Variants in FHIT observed in about 807,000 individuals in gnomAD.
FHIT encodes the protein fragile histidine triad diadenosine triphosphatase.
Under a neutral mutation model 17.9 loss-of-function variants are expected in FHIT, and 19 were observed. That is an observed-to-expected ratio of 1.06 (90% CI 0.74 to 1.56). The LOEUF (loss-of-function observed/expected upper bound fraction) is 1.56, where lower values mean the gene tolerates loss of function less well. Ranked by LOEUF, FHIT falls within the 40% of genes most tolerant of loss-of-function variation. The probability of loss-of-function intolerance (pLI) is 0.00; values close to 1 mark genes in which losing one functional copy is unlikely to be tolerated. For synonymous variants in FHIT, 81 were observed against 69.7 expected (o/e 1.16, Z -0.81); for missense variants, 248 against 189.2 (o/e 1.31, Z -1.82).
intron 5 of FHIT, among the ~76,000 whole-genome samples, chr3:60,325,055 A>C (rs1709625960): frequency 6.6e-6 from 1 of 152,144 alleles, no homozygotes; most frequent in East Asian, 1.9e-4. Flanking sequence ...CATTCTTAAT[A>C]TTTTCCAAAG....
intron 2 of FHIT, among the ~76,000 whole-genome samples, chr3:61,074,343 G>A (rs2034903554): frequency 1.3e-5 from 2 of 152,124 alleles, no homozygotes; most frequent in African/African-American, 2.4e-5. Context: ...AACTAAAAGA[G>A]TATGCAAGAA....
At chr3:60,110,386 G>A (rs998220414) in intron 5 of FHIT, among the ~76,000 whole-genome samples, 2 of 151,996 alleles carry the variant, frequency 1.3e-5, no homozygotes, top group Non-Finnish European at 1.5e-5. Flanking sequence ...CACATTCCTC[G>A]CAACATTTAT....
intron 5 of FHIT, among the ~76,000 whole-genome samples, chr3:60,210,190 TA>T (rs1389125655): frequency 2.0e-5 from 3 of 152,168 alleles, no homozygotes; most frequent in Admixed American, 2.0e-4. Context: ...ATGCTATCCT[TA>T]AATCACTGGG....
Position 60,931,889 on chromosome 3 carries a change from A to C in FHIT, c.-110-109878T>G, listed in dbSNP as rs186289337. Among the ~76,000 whole-genome samples the C allele has an allele frequency of 2.8e-4, 43 of 152,368 alleles. No homozygotes were observed. In the East Asian group the frequency reaches 8.3e-3, roughly 29 times the overall value. ...ACCATTTTTGAGCAGAGCCAACAGC[A>C]TGTGTCCTAATTATCCAACTATGTG... On this transcript the variant is annotated intron_variant, in intron 3 of 9. Transcript: ENST00000492590.
chr3:59,800,679 A>G lies in FHIT; in HGVS notation c.349-48358T>C, dbSNP rs538502354. Among the ~76,000 whole-genome samples the G allele has an allele frequency of 8.5e-5, 13 of 152,358 alleles. No homozygotes were observed. The East Asian group carries it at 2.5e-3, about 29-fold the overall frequency. ...CCTTTCTTGGGCCACTGGTGAAGAC[A>G]GATGTCACAATCAATACTCATTAAC... On this transcript the variant is annotated intron_variant, in intron 8 of 9. Transcript: ENST00000492590.
At chr3:60,736,389 C>T (rs918585508) in intron 4 of FHIT, among the ~76,000 whole-genome samples, 1 of 152,090 alleles carries the variant, frequency 6.6e-6, no homozygotes, top group Non-Finnish European at 1.5e-5. Context: ...GAAAAAAAAC[C>T]TTAAATTTCC....
At chr3:60,676,697 G>A (rs2107853033) in intron 4 of FHIT, among the ~76,000 whole-genome samples, 1 of 152,288 alleles carries the variant, frequency 6.6e-6, no homozygotes, top group Non-Finnish European at 1.5e-5. Context: ...GCCTCTCCTG[G>A]AAAATCTTGG....
intron 4 of FHIT, among the ~76,000 whole-genome samples, chr3:60,778,422 C>G (rs1317085285): frequency 6.6e-6 from 1 of 152,136 alleles, no homozygotes; most frequent in Non-Finnish European, 1.5e-5. Context: ...GGAAAATGTA[C>G]AGGACTCAAA....
At chr3:60,866,416 C>A (rs782098716) in intron 3 of FHIT, among the ~76,000 whole-genome samples, 8 of 152,088 alleles carry the variant, frequency 5.3e-5, no homozygotes, top group Non-Finnish European at 1.0e-4. Context: ...AGTCACCATT[C>A]TATGAAGTTA....
chr3:61,089,369 C>T (rs2035407841), intron 2 of FHIT, among the ~76,000 whole-genome samples: 1 of 152,080 alleles, frequency 6.6e-6, no homozygotes, highest in Admixed American at 6.5e-5. Flanking sequence ...AATCCTATAC[C>T]CATTAAGCAT....
At chr3:60,508,367 T>A (rs2034818019) in intron 5 of FHIT, among the ~76,000 whole-genome samples, 1 of 152,076 alleles carries the variant, frequency 6.6e-6, no homozygotes, top group Admixed American at 6.5e-5. Flanking sequence ...TTTGACTTAA[T>A]TTATCAATTA....
intron 5 of FHIT, among the ~76,000 whole-genome samples, chr3:60,377,322 C>A (rs2107092218): frequency 6.6e-6 from 1 of 151,848 alleles, no homozygotes; most frequent in South Asian, 2.1e-4. Flanking sequence ...CCAACACGCC[C>A]AGCTAATTTT....
chr3:61,120,512 A>G (rs760228872), intron 2 of FHIT, among the ~76,000 whole-genome samples: 8 of 152,168 alleles, frequency 5.3e-5, no homozygotes, highest in Non-Finnish European at 1.2e-4. Flanking sequence ...TGGAGTGTAC[A>G]TCATCCCTTG....
chr3:60,429,886 T>C (rs1441017394), intron 5 of FHIT, among the ~76,000 whole-genome samples: 1 of 152,014 alleles, frequency 6.6e-6, no homozygotes, highest in African/African-American at 2.4e-5. Flanking sequence ...GCATTTCCAT[T>C]CTTTCCTAAA....
intron 8 of FHIT, among the ~76,000 whole-genome samples, chr3:59,885,001 T>C (rs1425271600): frequency 2.6e-5 from 4 of 152,166 alleles, no homozygotes; most frequent in African/African-American, 9.7e-5. Flanking sequence ...CAGAGAGCAG[T>C]AAGAAAAATT....
Position 60,550,060 on chromosome 3 carries a change from T to C in FHIT, c.-17-13081A>G, listed in dbSNP as rs181034024. On this transcript the variant is annotated intron_variant, in intron 4 of 9. Transcript: ENST00000492590. ...ATTAACTTAAACACTAGGGGCTCAA[T>C]TGTTAACCAAGAATGTAAATGAGCT... 3.3e-5 allele frequency among the ~76,000 whole-genome samples: 5 copies of C among 152,252 alleles called. No individual in the cohort carries two copies. The East Asian group carries it at 7.7e-4, about 24-fold the overall frequency.
At chr3:60,048,402 T>C (rs2106867802) in intron 5 of FHIT, among the ~76,000 whole-genome samples, 1 of 151,500 alleles carries the variant, frequency 6.6e-6, no homozygotes, top group East Asian at 1.9e-4. Context: ...GGGCTCGATC[T>C]CCTGACCTCG....
At chr3:60,140,227 T>C (rs1456810986) in intron 5 of FHIT, among the ~76,000 whole-genome samples, 2 of 152,176 alleles carry the variant, frequency 1.3e-5, no homozygotes, top group East Asian at 3.9e-4. Flanking sequence ...ACAAATGTTG[T>C]TTCTGTTAAC....
At position 60,642,723 on chromosome 3, in the gene FHIT, C is replaced by T. The variant is rs542849403; in HGVS notation, c.-17-105744G>A. Among the ~76,000 whole-genome samples, 9 of 152,136 alleles carry T rather than the reference C, an allele frequency of 5.9e-5. No individual in the cohort carries two copies. In the East Asian group the frequency reaches 1.7e-3, roughly 30 times the overall value. ...CAGATGGGAGAGGAGTATCCTCTTC[C>T]CCCCACCTCCCCCGCTCCAGGGGTA... is the stretch of plus-strand genomic sequence containing the variant. On this transcript the variant is annotated intron_variant, in intron 4 of 9. Coordinates refer to ENST00000492590, the MANE Select transcript of FHIT (RefSeq NM_002012.4).
Sources: gnomAD v4.1 joint callset for allele counts (sites outside exome capture counted in the v4.1 genomes callset) on GRCh38, gnomAD v4.1.1 for gene constraint, MANE v1.5 for transcripts, NCBI Gene and HGNC (gene_info 2026-07-23, HGNC 2026-07-21) for gene names.